Variants in ZNF330 observed in about 807,000 individuals in gnomAD.
ZNF330 encodes zinc finger protein 330.
Under a neutral mutation model 45.5 loss-of-function variants are expected in ZNF330, and 31 were observed. The observed-to-expected ratio is 0.68, with a 90% CI of 0.51 to 0.92. The LOEUF (loss-of-function observed/expected upper bound fraction) is 0.92, where lower values mean the gene tolerates loss of function less well. Ranked by LOEUF, ZNF330 falls within the 40% of genes least tolerant of loss-of-function variation. The pLI is 0.00. For missense variants in ZNF330, 356 were observed against 387.4 expected (o/e 0.92, Z 0.68); for synonymous variants, 138 against 123.2 (o/e 1.12, Z -0.79).
Position 141,234,112 on chromosome 4 carries a change from TA to T in ZNF330, c.*125del. 2 of 1,458,998 alleles carry T rather than the reference TA, an allele frequency of 1.4e-6. No homozygotes were observed. Among genetic ancestry groups the T allele is most frequent in the Non-Finnish European group, 1.8e-6 (2 of 1,111,218 alleles). 90.4% of individuals were successfully genotyped at this position (1,458,998 alleles called of 1,614,324 possible). Reference sequence around the variant, plus strand: ...CCTTGTGCAGAAGACTAGTTACACTTAATGGGCCAAGCAATAGGGTGTAGCG... The same window carrying T: ...CCTTGTGCAGAAGACTAGTTACACTTATGGGCCAAGCAATAGGGTGTAGCG... On this transcript the variant is annotated 3_prime_UTR_variant, in exon 10 of 10. Coordinates refer to ENST00000262990, the MANE Select transcript of ZNF330 (RefSeq NM_014487.6).
chr4:141,225,489 T>TCC (rs10655485), intron 4 of ZNF330, among the ~76,000 whole-genome samples: 35,965 of 149,982 alleles, frequency 0.24, 4,811 homozygotes, highest in East Asian at 0.59. Flanking sequence ...TAGATTTACA[T>TCC]CCCCCCCCAA....
At chr4:141,224,899 A>G (rs1291973734) in intron 4 of ZNF330, among the ~76,000 whole-genome samples, 1 of 152,130 alleles carries the variant, frequency 6.6e-6, no homozygotes, top group Non-Finnish European at 1.5e-5. Context: ...TTAAGGTACA[A>G]TTTAGATACA....
Position 141,234,065 on chromosome 4 carries a change from C to G in ZNF330, c.*76C>G. On this transcript the variant is annotated 3_prime_UTR_variant, in exon 10 of 10. Coordinates refer to ENST00000262990, the MANE Select transcript of ZNF330 (RefSeq NM_014487.6). Reference sequence around the variant, plus strand: ...GCTTGATGAATTGTGTGTGGTTGTTCAAAAGTACCTTAGCCACTTAGCCTT... The same window carrying G: ...GCTTGATGAATTGTGTGTGGTTGTTGAAAAGTACCTTAGCCACTTAGCCTT... 6.6e-7 allele frequency: 1 copy of G among 1,520,312 alleles called. No individual in the cohort carries two copies. The highest frequency in any genetic ancestry group is 8.8e-7 in the Non-Finnish European group (1 of 1,139,228). 94.2% of individuals were successfully genotyped at this position (1,520,312 alleles called of 1,614,324 possible).
rs1578805637 is a variant in ZNF330 at position 141,222,295 on chromosome 4, T to C, written c.-6-71T>C. 5 of 1,537,554 alleles carry C rather than the reference T, an allele frequency of 3.3e-6. No individual in the cohort carries two copies. In the African/African-American group the frequency reaches 7.0e-5, roughly 22 times the overall value. The stretch of plus-strand genomic sequence containing the variant: ...AGAAAAAGGACACTTTGTTATACTA[T>C]TTCTTAGTTTATTAAAATAGTAAAT... On this transcript the variant is annotated intron_variant, in intron 1 of 9. Transcript: ENST00000262990.
chr4:141,229,794 T>C, intron 6 of ZNF330, 97 bp downstream of exon 6: 1 of 1,470,658 alleles, frequency 6.8e-7, no homozygotes, highest in South Asian at 1.2e-5. Context: ...CAGGATACTG[T>C]CAATCCTAAC....
intron 3 of ZNF330, 39 bp from the exon 4 acceptor site, chr4:141,224,568 A>G (rs1439977280): frequency 1.2e-6 from 2 of 1,610,120 alleles, no homozygotes; most frequent in Admixed American, 3.3e-5. Flanking sequence ...TTTTTATCTG[A>G]CATTGACCAT....
In ZNF330 at chr4:141,231,469, C is replaced by T. The variant is rs773920235; in HGVS notation, c.554C>T (p.Ser185Leu). 4.4e-6 allele frequency: 7 copies of T among 1,604,390 alleles called. 1 individual carries two copies. Among genetic ancestry groups the T allele is most frequent in the Non-Finnish European group, 5.1e-6 (6 of 1,175,992 alleles). The change falls in exon 8 of 10, where the codon TCA becomes TTA. Residue 185 changes from serine (S) to leucine (L), a missense_variant. By Grantham distance (145) the Ser-to-Leu change is moderately radical. Transcript: ENST00000262990. ...TCATGCAATCGGCTTGGTCAGCACT[C>T]ATGTCTCCGTTGTAAGGTATACCAA... is the stretch of plus-strand genomic sequence containing the variant. ...CVSCNRLGQH[S>L]CLRCKACFCD...
chr4:141,220,591 T>C (rs1027639192), upstream of ZNF330, among the ~76,000 whole-genome samples: 11 of 152,206 alleles, frequency 7.2e-5, no homozygotes, highest in Non-Finnish European at 1.5e-4. Flanking sequence ...GATGTAGAGG[T>C]GGGGAAAGGT....
Position 141,229,812 on chromosome 4 carries a change from A to T in ZNF330, c.418+115A>T, listed in dbSNP as rs1262633460. The T allele has an allele frequency of 3.0e-6, 4 of 1,329,688 alleles. No homozygotes were observed. In the African/African-American group the frequency reaches 5.8e-5, roughly 19 times the overall value. 82.4% of individuals were successfully genotyped at this position (1,329,688 alleles called of 1,614,324 possible). A position where few individuals can be genotyped will look rare whatever the true frequency, so the allele number is the denominator to read the frequency against. On this transcript the variant is annotated intron_variant, in intron 6 of 9. Coordinates refer to ENST00000262990, the MANE Select transcript of ZNF330 (RefSeq NM_014487.6). ...GATACTGTCAATCCTAACTACTGGT[A>T]CTGTTTTGATTATCAGTGTAGTTAG...
rs779072586 is a variant in ZNF330 at position 141,231,426 on chromosome 4, C to T, written c.524-13C>T. ...CAAATAACGGGATTTTAAAATTAAT[C>T]TATTTCCCACAGGTGTTTCATGCAA... is the stretch of plus-strand genomic sequence containing the variant. On this transcript the variant is annotated splice_polypyrimidine_tract_variant and intron_variant, in intron 7 of 9. Coordinates refer to ENST00000262990, the MANE Select transcript of ZNF330 (RefSeq NM_014487.6). The T allele has an allele frequency of 5.7e-6, 9 of 1,586,212 alleles. No homozygotes were observed. Among genetic ancestry groups the T allele is most frequent in the Non-Finnish European group, 7.7e-6 (9 of 1,170,102 alleles).
chr4:141,227,295 C>T (rs1728831823), intron 5 of ZNF330, among the ~76,000 whole-genome samples: 1 of 151,930 alleles, frequency 6.6e-6, no homozygotes, highest in South Asian at 2.1e-4. Context: ...CCCCACCCCA[C>T]AACAGTCCCC....
chr4:141,223,714 A>G (rs1016887294), intron 2 of ZNF330: 9 of 444,048 alleles, frequency 2.0e-5, no homozygotes, highest in Non-Finnish European at 3.5e-5. Context: ...CTAAATATAT[A>G]TAATGACAGC....
intron 6 of ZNF330, 84 bp from the exon 7 acceptor site, chr4:141,230,082 A>G: frequency 1.1e-6 from 1 of 947,144 alleles, no homozygotes; most frequent in Non-Finnish European, 1.6e-6. Flanking sequence ...GTAACTTACC[A>G]TCTCTTCTAA....
rs1729015197 is a variant in ZNF330, at chr4:141,233,791, G to A, written c.765G>A (p.Lys255=). Residue 255 remains lysine, a synonymous_variant, in exon 10 of 10, where the codon AAG becomes AAA. Transcript: ENST00000262990. The stretch of plus-strand genomic sequence containing the variant: ...CTTCTGGGTATGATGCTTATTGGAA[G>A]AACCTTTCATCTGATAAGTATGGTG... ...DGASGYDAYW[K]NLSSDKYGDT... 2 of 1,613,556 alleles carry A rather than the reference G, an allele frequency of 1.2e-6. No homozygotes were observed. Among genetic ancestry groups the A allele is most frequent in the Non-Finnish European group, 1.7e-6 (2 of 1,179,768 alleles).
intron 4 of ZNF330, among the ~76,000 whole-genome samples, chr4:141,225,858 A>G (rs943051056): frequency 6.6e-6 from 1 of 152,010 alleles, no homozygotes; most frequent in African/African-American, 2.4e-5. Flanking sequence ...TCTGGGCTTA[A>G]ATTTTGTAGT....
intron 7 of ZNF330, among the ~76,000 whole-genome samples, chr4:141,230,555 G>A (rs1728925648): frequency 6.6e-6 from 1 of 152,076 alleles, no homozygotes; most frequent in Non-Finnish European, 1.5e-5. Flanking sequence ...AGTACCACAT[G>A]TCATTTTTAC....
chr4:141,221,601 T>C (rs1394217344), intron 1 of ZNF330, among the ~76,000 whole-genome samples: 1 of 152,196 alleles, frequency 6.6e-6, no homozygotes, highest in Non-Finnish European at 1.5e-5. Flanking sequence ...TCTGGCTATT[T>C]TTCAGTTGCT....
In ZNF330 at chr4:141,224,390, A is replaced by C. The variant is rs192151544; in HGVS notation, c.121-97A>C. ...TGGGGCTTTGGTGTAGTGTCACTTA[A>C]ATTTTAACCTGAAAAGCAGGTTATT... On this transcript the variant is annotated intron_variant, in intron 2 of 9. Transcript: ENST00000262990. 2,334 of 1,196,612 alleles carry C rather than the reference A, an allele frequency of 2.0e-3. 5 individuals carry two copies. Among genetic ancestry groups the C allele is most frequent in the Non-Finnish European group, 2.0e-3 (1,677 of 825,270 alleles). 74.1% of individuals were successfully genotyped at this position (1,196,612 alleles called of 1,614,324 possible).
rs1462314159 is a variant in ZNF330 at position 141,222,208 on chromosome 4, TA to T, written c.-6-156del. ...CGCTTCATTTGGAATAATATGTGCT[TA>T]ACGTTTCATAAGGCTTAGAATGTGC... is the stretch of plus-strand genomic sequence containing the variant. On this transcript the variant is annotated intron_variant, in intron 1 of 9. Transcript: ENST00000262990. Among the ~76,000 whole-genome samples the T allele has an allele frequency of 3.9e-5, 6 of 152,274 alleles. No individual in the cohort carries two copies. The East Asian group carries it at 1.2e-3, about 29-fold the overall frequency.
Sources: allele counts gnomAD v4.1 joint callset (sites outside exome capture counted in the v4.1 genomes callset), GRCh38; gene constraint gnomAD v4.1.1; transcripts MANE v1.5; gene names NCBI Gene and HGNC (gene_info 2026-07-23, HGNC 2026-07-21).